Variants in CACNA1E observed in about 807,000 individuals in gnomAD.
CACNA1E encodes the protein voltage-dependent R-type calcium channel subunit alpha-1E.
A neutral mutation model predicts 259.2 loss-of-function variants in CACNA1E; 40 were observed. The ratio of observed to expected loss-of-function variants is 0.15; its 90% CI spans 0.12 to 0.20. The LOEUF is 0.20. Ranked by LOEUF, CACNA1E falls within the 10% of genes least tolerant of loss-of-function variation. The probability of loss-of-function intolerance (pLI) is 1.00; values close to 1 mark genes in which losing one functional copy is unlikely to be tolerated. For missense variants in CACNA1E, 1,874 were observed against 3,040.1 expected, an observed-to-expected ratio of 0.62 and a Z score of 9.02; for synonymous variants, 1,104 against 1,138.5, an observed-to-expected ratio of 0.97 and a Z score of 0.61.
rs1394089589 is a variant in CACNA1E at position 181,799,082 on chromosome 1, C to T, written c.*248C>T. 3.1e-5 allele frequency: 12 copies of T among 391,638 alleles called. No individual in the cohort carries two copies. The highest frequency in any genetic ancestry group is 5.0e-5 in the Non-Finnish European group (11 of 220,380). The allele number at this position is 391,638 out of a possible 1,614,324, so 24.3% of individuals were successfully genotyped here. A position where few individuals can be genotyped will look rare whatever the true frequency, so the allele number is the denominator to read the frequency against. On this transcript the variant is annotated 3_prime_UTR_variant, in exon 48 of 48. Coordinates refer to ENST00000367573, the MANE Select transcript of CACNA1E (RefSeq NM_001205293.3). ...CTTTGCTGGGGAAAGAAACCAGGAACGTGGAGGGTTATTACTGCGGGAGAA... is the reference window on the plus strand; with the variant it reads ...CTTTGCTGGGGAAAGAAACCAGGAATGTGGAGGGTTATTACTGCGGGAGAA...
intron 38 of CACNA1E, among the ~76,000 whole-genome samples, chr1:181,778,293 C>T (rs1180231661): frequency 1.3e-5 from 2 of 152,180 alleles, no homozygotes; most frequent in Non-Finnish European, 2.9e-5. Context: ...TTCCCAATCT[C>T]ACTAAGGCAA....
intron 25 of CACNA1E, among the ~76,000 whole-genome samples, chr1:181,743,088 C>T (rs1656728623): frequency 6.6e-6 from 1 of 152,170 alleles, no homozygotes; most frequent in African/African-American, 2.4e-5. Flanking sequence ...CTTCCTTAAG[C>T]CCACCGTCCC....
At chr1:181,522,939 T>G (rs1667098710) in intron 3 of CACNA1E, among the ~76,000 whole-genome samples, 2 of 152,250 alleles carry the variant, frequency 1.3e-5, no homozygotes, top group Non-Finnish European at 2.9e-5. Flanking sequence ...GCTCTTCTGT[T>G]GTCCTTTTCT....
chr1:181,537,553 G>T (rs1668271417), intron 3 of CACNA1E, among the ~76,000 whole-genome samples: 1 of 152,130 alleles, frequency 6.6e-6, no homozygotes, highest in Admixed American at 6.5e-5. Context: ...TGGTGGAAGG[G>T]GGGAGAGGTC....
Position 181,717,226 on chromosome 1 carries a change from G to C in CACNA1E, c.1449G>C (p.Leu483=), listed in dbSNP as rs756252109. The change falls in exon 11 of 48, where the codon CTG becomes CTC. Residue 483 remains leucine, a synonymous_variant. Transcript: ENST00000367573. The part of the protein sequence containing the change: ...VKSQVFYWIV[L]SLVALNTACV... ...CCCAGGTGTTTTACTGGATTGTGCT[G>C]AGCCTTGTGGCACTCAACACTGCCT... The C allele has an allele frequency of 2.5e-6, 4 of 1,613,936 alleles. No individual in the cohort carries two copies. In the South Asian group the frequency reaches 4.4e-5, roughly 18 times the overall value.
chr1:181,785,423 A>G lies in CACNA1E; in HGVS notation c.5679+5A>G. 1 of 1,585,728 alleles carries G rather than the reference A, an allele frequency of 6.3e-7. No individual in the cohort carries two copies. The highest frequency in any genetic ancestry group is 8.7e-7 in the Non-Finnish European group (1 of 1,155,642). On this transcript the variant is annotated splice_donor_5th_base_variant and intron_variant, in intron 42 of 47. Transcript: ENST00000367573. ...AGGCAGCAGCTGGAGGAACAGGTGA[A>G]AGTCAATGCCAGCATGCTAAGTGGG...
intron 1 of CACNA1E, among the ~76,000 whole-genome samples, chr1:181,355,101 C>G (rs1397358202): frequency 6.6e-6 from 1 of 152,092 alleles, no homozygotes; most frequent in African/African-American, 2.4e-5. Flanking sequence ...GGGAAAGAGC[C>G]CAGTGGGCTG....
intron 7 of CACNA1E, among the ~76,000 whole-genome samples, chr1:181,687,217 C>G (rs185515423): frequency 6.6e-6 from 1 of 152,282 alleles, no homozygotes; most frequent in African/African-American, 2.4e-5. Flanking sequence ...AGGGGAATAA[C>G]AGCAGTTTCC....
At chr1:181,707,415 C>A (rs989752330) in intron 7 of CACNA1E, among the ~76,000 whole-genome samples, 6 of 152,070 alleles carry the variant, frequency 3.9e-5, no homozygotes, top group Non-Finnish European at 1.5e-5. Flanking sequence ...AGCAGGGAAC[C>A]CAGCGAGTGA....
chr1:181,677,047 G>C (rs1400227953), intron 7 of CACNA1E, among the ~76,000 whole-genome samples: 3 of 151,956 alleles, frequency 2.0e-5, no homozygotes. Context: ...CTTTAGAACT[G>C]GCCGGCCCTC....
chr1:181,562,780 C>G (rs12083361), intron 3 of CACNA1E, among the ~76,000 whole-genome samples: 11,362 of 152,136 alleles, frequency 0.075, 1,014 homozygotes, highest in African/African-American at 0.21. Flanking sequence ...GAGAAAATGG[C>G]CATGCCACTT....
intron 7 of CACNA1E, among the ~76,000 whole-genome samples, chr1:181,702,618 C>G (rs1209386010): frequency 6.6e-6 from 1 of 152,164 alleles, no homozygotes; most frequent in Non-Finnish European, 1.5e-5. Flanking sequence ...TGTATTCAGT[C>G]CACTCTAGTC....
chr1:181,500,479 G>T (rs947103002), intron 1 of CACNA1E, among the ~76,000 whole-genome samples: 1 of 152,198 alleles, frequency 6.6e-6, no homozygotes, highest in African/African-American at 2.4e-5. Context: ...CTTTTCCCCC[G>T]AAGTTAAACA....
intron 37 of CACNA1E, among the ~76,000 whole-genome samples, chr1:181,775,082 C>T (rs1659860225): frequency 6.6e-6 from 1 of 152,198 alleles, no homozygotes; most frequent in South Asian, 2.1e-4. Flanking sequence ...GCTGTAGTGG[C>T]AGCTCTAGAC....
At chr1:181,442,417 A>C (rs1051399815) in intron 2 of CACNA1E, among the ~76,000 whole-genome samples, 18 of 143,276 alleles carry the variant, frequency 1.3e-4, no homozygotes, top group African/African-American at 4.7e-4. Context: ...TGTGAAGGGT[A>C]CAGGTATAAG....
chr1:181,727,704 C>T (rs1218348862), intron 18 of CACNA1E, among the ~76,000 whole-genome samples: 4 of 152,130 alleles, frequency 2.6e-5, no homozygotes, highest in East Asian at 1.9e-4. Context: ...GTTGTTGCAT[C>T]GGGGCCTGCA....
chr1:181,538,858 T>C (rs1668366240), intron 3 of CACNA1E, among the ~76,000 whole-genome samples: 2 of 152,340 alleles, frequency 1.3e-5, no homozygotes, highest in South Asian at 2.1e-4. Flanking sequence ...AAGGCTTCTG[T>C]TGAATTTTGA....
intron 1 of CACNA1E, among the ~76,000 whole-genome samples, chr1:181,331,736 T>C (rs993730545): frequency 2.0e-5 from 3 of 152,178 alleles, no homozygotes; most frequent in Admixed American, 1.3e-4. Context: ...GCTCGGGTGA[T>C]GCTAATTTGT....
chr1:181,496,907 G>A (rs1416886325), intron 1 of CACNA1E, among the ~76,000 whole-genome samples: 2 of 152,172 alleles, frequency 1.3e-5, no homozygotes, highest in Non-Finnish European at 2.9e-5. Flanking sequence ...GGATGCATGT[G>A]TTCTTCTAGT....
Sources: allele counts gnomAD v4.1 joint callset (sites outside exome capture counted in the v4.1 genomes callset), GRCh38; gene constraint gnomAD v4.1.1; transcripts MANE v1.5; gene names NCBI Gene and HGNC (gene_info 2026-07-23, HGNC 2026-07-21).